Variants in KIF26B observed in about 807,000 individuals in gnomAD.
KIF26B encodes the protein kinesin family member 26B.
A neutral mutation model predicts 151.2 loss-of-function variants in KIF26B; 63 were observed. The observed-to-expected ratio is 0.42, with a 90% CI of 0.34 to 0.51. KIF26B has a LOEUF of 0.51. Among genes scored for constraint, KIF26B ranks in the 20% least tolerant of loss-of-function variants. KIF26B has a pLI of 0.07. For missense variants in KIF26B, 2,813 were observed against 2,913.6 expected (o/e 0.97, Z 0.79); for synonymous variants, 1,357 against 1,262.1 (o/e 1.08, Z -1.59).
In KIF26B at chr1:245,646,206, G is replaced by T. The variant is rs1233564951; in HGVS notation, c.2184G>T (p.Gly728=). ...ALSKNREGGS[G]LCLSLSALGN... ...GCAAAAATCGAGAAGGAGGCTCAGGGCTGTGTCTCTCGCTGTCTGCTCTGG... is the reference window on the plus strand; with the variant it reads ...GCAAAAATCGAGAAGGAGGCTCAGGTCTGTGTCTCTCGCTGTCTGCTCTGG... The change falls in exon 10 of 15, where the codon GGG becomes GGT. Residue 728 remains glycine (G), a synonymous_variant. Transcript: ENST00000407071. The T allele has an allele frequency of 3.1e-6, 5 of 1,613,946 alleles. No individual in the cohort carries two copies. In the East Asian group the frequency reaches 1.1e-4, roughly 36 times the overall value.
Position 245,189,469 on chromosome 1 carries a change from A to G in KIF26B, c.465+32786A>G, listed in dbSNP as rs1669056869. ...ATCTCACTGTTATTCTTGAGCCACA[A>G]AGAAGCAATGTTTACAGACGATTTT... On this transcript the variant is annotated intron_variant, in intron 2 of 14. Transcript: ENST00000407071. Among the ~76,000 whole-genome samples, 6 of 152,220 alleles carry G rather than the reference A, an allele frequency of 3.9e-5. No individual in the cohort carries two copies. In the South Asian group the frequency reaches 1.2e-3, roughly 31 times the overall value.
chr1:245,582,647 T>C lies in KIF26B; in HGVS notation c.1351-19930T>C, dbSNP rs370581904. 1.1e-4 allele frequency among the ~76,000 whole-genome samples: 16 copies of C among 152,328 alleles called. No individual in the cohort carries two copies. In the East Asian group the frequency reaches 1.9e-3, roughly 18 times the overall value. ...ATCGAGAGGATTTATGCTTATCGTC[T>C]GTCTCCCCAGGCAGACAATTGTGGT... is the stretch of plus-strand genomic sequence containing the variant. On this transcript the variant is annotated intron_variant, in intron 5 of 14. Coordinates refer to ENST00000407071, the MANE Select transcript of KIF26B (RefSeq NM_018012.4).
chr1:245,617,805 G>A (rs916131284), intron 9 of KIF26B, among the ~76,000 whole-genome samples: 1 of 152,268 alleles, frequency 6.6e-6, no homozygotes, highest in South Asian at 2.1e-4. Flanking sequence ...CAGGTAACTA[G>A]CATCTTAGTC....
intron 2 of KIF26B, among the ~76,000 whole-genome samples, chr1:245,237,786 C>A (rs1369376551): frequency 6.6e-6 from 1 of 152,092 alleles, no homozygotes; most frequent in East Asian, 1.9e-4. Context: ...CTTTGGGAGG[C>A]CAAGGCGTGA....
chr1:245,562,570 C>G (rs77983982), intron 5 of KIF26B, among the ~76,000 whole-genome samples: 1 of 151,318 alleles, frequency 6.6e-6, no homozygotes, highest in Non-Finnish European at 1.5e-5. Context: ...TCTACCTGTC[C>G]GCACGTGGCC....
Position 245,687,204 on chromosome 1 carries a change from G to T in KIF26B, c.4221G>T (p.Pro1407=), listed in dbSNP as rs3806273. The change falls in exon 12 of 15, where the codon CCG becomes CCT. Residue 1407 remains proline (P), a synonymous_variant. Coordinates refer to ENST00000407071, the MANE Select transcript of KIF26B (RefSeq NM_018012.4). This position sits in a 1 kb window ranked among gnomAD's most constrained non-coding sequence, Gnocchi z 4.9. ...TGAGCCCCCGGAACATCCAAGAGCC[G>T]GAGGCCCCCACCGCCACCCCCAAAG... ...IAMSPRNIQE[P]EAPTATPKAG... is the part of the protein sequence containing the mutation. The T allele has an allele frequency of 2.5e-5, 41 of 1,612,512 alleles. No individual in the cohort carries two copies. Among genetic ancestry groups the T allele is most frequent in the East Asian group, 6.7e-5 (3 of 44,824 alleles).
At chr1:245,240,270 G>A (rs931809499) in intron 2 of KIF26B, among the ~76,000 whole-genome samples, 1 of 152,120 alleles carries the variant, frequency 6.6e-6, no homozygotes, top group African/African-American at 2.4e-5. Flanking sequence ...CGCTTCCATG[G>A]CCACATTCGC....
chr1:245,247,684 T>C (rs529117054), intron 2 of KIF26B, among the ~76,000 whole-genome samples: 1 of 152,270 alleles, frequency 6.6e-6, no homozygotes, highest in East Asian at 1.9e-4. Flanking sequence ...GGCTGGAAAC[T>C]AGATTTTGGG....
chr1:245,369,608 C>T (rs763220426), intron 3 of KIF26B, among the ~76,000 whole-genome samples: 7 of 152,196 alleles, frequency 4.6e-5, no homozygotes, highest in Non-Finnish European at 1.0e-4. Context: ...CTTCCTTTTA[C>T]AGTTAAGGAA....
intron 2 of KIF26B, among the ~76,000 whole-genome samples, chr1:245,332,065 G>T (rs1032828737): frequency 3.9e-5 from 6 of 152,214 alleles, no homozygotes; most frequent in Admixed American, 3.9e-4. Flanking sequence ...AATAGAGATT[G>T]CAGTGAGCCA....
intron 5 of KIF26B, among the ~76,000 whole-genome samples, chr1:245,570,270 G>T (rs2043054836): frequency 6.6e-6 from 1 of 151,974 alleles, no homozygotes; most frequent in Non-Finnish European, 1.5e-5. Flanking sequence ...CTTTATAGAT[G>T]AGAGAATTGA....
intron 2 of KIF26B, among the ~76,000 whole-genome samples, chr1:245,250,814 T>C (rs989959005): frequency 2.0e-5 from 3 of 152,230 alleles, no homozygotes; most frequent in African/African-American, 7.2e-5. Context: ...TTTAGGATAT[T>C]TGAATGTAAA....
Position 245,318,413 on chromosome 1 carries a change from A to T in KIF26B, c.466-48421A>T, listed in dbSNP as rs1671820614. Among the ~76,000 whole-genome samples the T allele has an allele frequency of 6.6e-6, 1 of 152,218 alleles. No individual in the cohort carries two copies. Among genetic ancestry groups the T allele is most frequent in the African/African-American group, 2.4e-5 (1 of 41,470 alleles). On this transcript the variant is annotated intron_variant, in intron 2 of 14. Transcript: ENST00000407071. The surrounding 1 kb of genome is among the most constrained non-coding windows in gnomAD (Gnocchi z 4.0). Reference sequence around the variant, plus strand: ...CACCAACCTGATCATCCTTCTGGGCATGGCCAAATGCCTCCATTTTTCCTC... The same window carrying T: ...CACCAACCTGATCATCCTTCTGGGCTTGGCCAAATGCCTCCATTTTTCCTC...
At chr1:245,343,852 C>G (rs905090396) in intron 2 of KIF26B, among the ~76,000 whole-genome samples, 1 of 152,126 alleles carries the variant, frequency 6.6e-6, no homozygotes, top group African/African-American at 2.4e-5. Flanking sequence ...ATAAGAAAAC[C>G]TTTGTTCTGC....
chr1:245,518,156 C>T (rs1661012565), intron 4 of KIF26B, among the ~76,000 whole-genome samples: 1 of 152,174 alleles, frequency 6.6e-6, no homozygotes, highest in African/African-American at 2.4e-5. Context: ...AGGCGTGAGC[C>T]ACCGCACCCA....
At chr1:245,230,682 G>A (rs892075806) in intron 2 of KIF26B, among the ~76,000 whole-genome samples, 2 of 151,918 alleles carry the variant, frequency 1.3e-5, no homozygotes, top group Non-Finnish European at 2.9e-5. Context: ...GGCAGAGGTT[G>A]TGGTGAGCCA....
chr1:245,441,224 A>T (rs1659070509), intron 4 of KIF26B, among the ~76,000 whole-genome samples: 1 of 152,176 alleles, frequency 6.6e-6, no homozygotes, highest in African/African-American at 2.4e-5. Flanking sequence ...CACCCCTGCC[A>T]ATCACCAGGA....
At chr1:245,333,461 A>G (rs1672153623) in intron 2 of KIF26B, among the ~76,000 whole-genome samples, 1 of 152,196 alleles carries the variant, frequency 6.6e-6, no homozygotes, top group Admixed American at 6.5e-5. Flanking sequence ...GAGAATGGGC[A>G]GTGAGTGTTT....
At chr1:245,622,474 C>T (rs1309431433) in intron 9 of KIF26B, among the ~76,000 whole-genome samples, 2 of 152,182 alleles carry the variant, frequency 1.3e-5, no homozygotes, top group African/African-American at 4.8e-5. Flanking sequence ...CCTTGTCCTT[C>T]GGGCTCTTCT....
Sources: gnomAD v4.1 joint callset for allele counts (sites outside exome capture counted in the v4.1 genomes callset) on GRCh38, gnomAD v4.1.1 for gene constraint, Gnocchi (gnomAD v3.1) non-coding constraint, MANE v1.5 for transcripts, NCBI Gene and HGNC (gene_info 2026-07-23, HGNC 2026-07-21) for gene names.